Variants in CDKAL1 observed in about 807,000 individuals in gnomAD.
CDKAL1 encodes threonylcarbamoyladenosine tRNA methylthiotransferase.
Under a neutral mutation model 68.2 loss-of-function variants are expected in CDKAL1, and 32 were observed. That is an observed-to-expected ratio of 0.47 (90% CI 0.35 to 0.63). CDKAL1 has a LOEUF of 0.63. Ranked by LOEUF, CDKAL1 falls within the 30% of genes least tolerant of loss-of-function variation. The probability of loss-of-function intolerance (pLI) is 0.00; values close to 1 mark genes in which losing one functional copy is unlikely to be tolerated. For missense variants in CDKAL1, 606 were observed against 696.7 expected, an observed-to-expected ratio of 0.87 and a Z score of 1.47; for synonymous variants, 234 against 244.3, an observed-to-expected ratio of 0.96 and a Z score of 0.39.
At chr6:20,994,333 G>A (rs1156364693) in intron 10 of CDKAL1, among the ~76,000 whole-genome samples, 2 of 152,146 alleles carry the variant, frequency 1.3e-5, no homozygotes, top group Non-Finnish European at 2.9e-5. Context: ...ACTAAAATTA[G>A]CCAGGTACGG....
At chr6:21,152,433 TAAG>T (rs1776453818) in intron 13 of CDKAL1, among the ~76,000 whole-genome samples, 8 of 152,334 alleles carry the variant, frequency 5.3e-5, no homozygotes, top group Admixed American at 5.2e-4. Context: ...TACTCTTGAG[TAAG>T]ATGAAGTTCC....
chr6:20,871,726 T>C (rs1760229424), intron 9 of CDKAL1, among the ~76,000 whole-genome samples: 2 of 152,174 alleles, frequency 1.3e-5, no homozygotes, highest in African/African-American at 4.8e-5. Context: ...TTCTAGAAGA[T>C]TAACCATGTC....
chr6:20,887,703 TATA>T (rs1761147535), intron 9 of CDKAL1, among the ~76,000 whole-genome samples: 6 of 129,662 alleles, frequency 4.6e-5, no homozygotes, highest in South Asian at 2.5e-4. Context: ...GAAAGTATTT[TATA>T]TCTTTAGAGT....
chr6:21,108,304 T>C (rs1457704131), intron 12 of CDKAL1, 97 bp from the exon 13 acceptor site: 5 of 686,684 alleles, frequency 7.3e-6, no homozygotes, highest in Non-Finnish European at 1.2e-5. Flanking sequence ...AAAAACTTTA[T>C]GTATGTAGAG....
At chr6:20,571,372 G>T (rs1024102762) in intron 4 of CDKAL1, among the ~76,000 whole-genome samples, 1 of 152,070 alleles carries the variant, frequency 6.6e-6, no homozygotes, top group South Asian at 2.1e-4. Context: ...AGTTGAACAA[G>T]ACAGATGCAG....
chr6:20,982,546 C>T (rs1157853757), intron 10 of CDKAL1, among the ~76,000 whole-genome samples: 1 of 151,148 alleles, frequency 6.6e-6, no homozygotes, highest in Non-Finnish European at 1.5e-5. Flanking sequence ...GCAAAGCCTG[C>T]TCTTAAAAAA....
At chr6:20,891,813 G>A (rs1476666154) in intron 9 of CDKAL1, among the ~76,000 whole-genome samples, 3 of 152,144 alleles carry the variant, frequency 2.0e-5, no homozygotes, top group Admixed American at 6.5e-5. Flanking sequence ...GATTACAGGC[G>A]TGAGCCACGG....
intron 9 of CDKAL1, among the ~76,000 whole-genome samples, chr6:20,920,306 G>A (rs1216697997): frequency 1.3e-5 from 2 of 152,144 alleles, no homozygotes; most frequent in Admixed American, 1.3e-4. Context: ...CTACAAGTAA[G>A]AAGTGCAGAC....
chr6:21,160,636 GACAC>G (rs70993208), intron 13 of CDKAL1, among the ~76,000 whole-genome samples: 30,695 of 123,028 alleles, frequency 0.25, 4,199 homozygotes, highest in African/African-American at 0.31. Flanking sequence ...TTTGGACACA[GACAC>G]ACACACACAC....
chr6:21,100,628 A>G (rs1773533568), intron 12 of CDKAL1, among the ~76,000 whole-genome samples: 1 of 152,196 alleles, frequency 6.6e-6, no homozygotes, highest in South Asian at 2.1e-4. Context: ...AGGAAGTATT[A>G]TATGTGCCTT....
chr6:20,862,440 T>G (rs1759680253), intron 9 of CDKAL1, among the ~76,000 whole-genome samples: 1 of 152,198 alleles, frequency 6.6e-6, no homozygotes, highest in Admixed American at 6.5e-5. Context: ...TAAAGCATAC[T>G]TACTAAATAC....
intron 4 of CDKAL1, among the ~76,000 whole-genome samples, chr6:20,611,550 A>G (rs1055666660): frequency 6.6e-6 from 1 of 152,216 alleles, no homozygotes; most frequent in African/African-American, 2.4e-5. Flanking sequence ...TGTGTGACCA[A>G]GACACTGGTG....
At chr6:20,622,728 T>C (rs1054121781) in intron 4 of CDKAL1, among the ~76,000 whole-genome samples, 3 of 112,918 alleles carry the variant, frequency 2.7e-5, no homozygotes, top group African/African-American at 6.4e-5. Flanking sequence ...AGAAGTGATA[T>C]TCTGCTATCT....
chr6:20,643,582 A>G (rs1768292753), intron 4 of CDKAL1, among the ~76,000 whole-genome samples: 1 of 152,198 alleles, frequency 6.6e-6, no homozygotes, highest in African/African-American at 2.4e-5. Context: ...AATCACCATT[A>G]TTTATTGGCA....
intron 9 of CDKAL1, among the ~76,000 whole-genome samples, chr6:20,916,538 A>G (rs1339646794): frequency 6.6e-6 from 1 of 152,166 alleles, no homozygotes; most frequent in Non-Finnish European, 1.5e-5. Context: ...AAAATGGTGT[A>G]TTGAAGGTCC....
intron 5 of CDKAL1, among the ~76,000 whole-genome samples, chr6:20,730,808 C>T (rs1772885193): frequency 6.9e-6 from 1 of 144,296 alleles, no homozygotes; most frequent in South Asian, 2.2e-4. Context: ...CACACCACTG[C>T]ACTCCAGCTG....
At chr6:20,899,923 A>C (rs1240564980) in intron 9 of CDKAL1, among the ~76,000 whole-genome samples, 1 of 152,228 alleles carries the variant, frequency 6.6e-6, no homozygotes, top group Non-Finnish European at 1.5e-5. Flanking sequence ...TGAGGAAACT[A>C]AGGCAAAGAG....
At chr6:20,768,687 A>G (rs192455711) in intron 7 of CDKAL1, among the ~76,000 whole-genome samples, 3 of 152,282 alleles carry the variant, frequency 2.0e-5, no homozygotes, top group Non-Finnish European at 4.4e-5. Context: ...GCTCAGAAAC[A>G]CTGTGCCTCT....
chr6:20,669,294 C>G (rs552252077), intron 5 of CDKAL1, among the ~76,000 whole-genome samples: 8 of 152,224 alleles, frequency 5.3e-5, no homozygotes, highest in African/African-American at 1.9e-4. Context: ...ATGTCTTCTC[C>G]ACTTATTAAT....
Sources: gnomAD v4.1 joint callset for allele counts (sites outside exome capture counted in the v4.1 genomes callset) on GRCh38, gnomAD v4.1.1 for gene constraint, MANE v1.5 for transcripts, NCBI Gene and HGNC (gene_info 2026-07-23, HGNC 2026-07-21) for gene names.